TRAF3IP1: variants seen among roughly 807,000 people sequenced by gnomAD.
TRAF3IP1 encodes intraflagellar transport 54.
Under a neutral mutation model 89.9 loss-of-function variants are expected in TRAF3IP1, and 53 were observed. The observed-to-expected ratio is 0.59, with a 90% CI of 0.47 to 0.74. The LOEUF (loss-of-function observed/expected upper bound fraction) is 0.74, where lower values mean the gene tolerates loss of function less well. Among genes scored for constraint, TRAF3IP1 ranks in the 30% least tolerant of loss-of-function variants. The pLI, the probability that TRAF3IP1 is intolerant of heterozygous loss-of-function variation, is 0.00. For synonymous variants in TRAF3IP1, 311 were observed against 322.1 expected (o/e 0.97, Z 0.37); for missense variants, 806 against 866.1 (o/e 0.93, Z 0.87).
chr2:238,331,335 G>T (rs999656611), intron 5 of TRAF3IP1, among the ~76,000 whole-genome samples: 7 of 151,908 alleles, frequency 4.6e-5, no homozygotes, highest in Admixed American at 2.0e-4. Flanking sequence ...AAATTAGCTG[G>T]GTGTGGTGGC....
In TRAF3IP1 at chr2:238,371,495, A is replaced by G. The variant is rs530047590; in HGVS notation, c.1689+15415A>G. 2.0e-5 allele frequency among the ~76,000 whole-genome samples: 3 copies of G among 152,344 alleles called. No individual in the cohort carries two copies. The East Asian group carries it at 5.8e-4, about 29-fold the overall frequency. ...ATTCTTACTATTTAGCTAGATTGTC[A>G]TTTCATACATAAAAACAGTGGAAGA... On this transcript the variant is annotated intron_variant, in intron 15 of 16. Transcript: ENST00000373327.
Position 238,375,106 on chromosome 2 carries a change from GGTCTTTTTGT to G in TRAF3IP1, c.1689+19031_1689+19040del, listed in dbSNP as rs1700262450. Among the ~76,000 whole-genome samples the G allele has an allele frequency of 2.6e-5, 4 of 152,160 alleles. No individual in the cohort carries two copies. In the South Asian group the frequency reaches 6.2e-4, roughly 24 times the overall value. On this transcript the variant is annotated intron_variant, in intron 15 of 16. Coordinates refer to ENST00000373327, the MANE Select transcript of TRAF3IP1 (RefSeq NM_015650.4). Reference sequence around the variant, plus strand: ...CTCCTGGATTCATTGATTTTCTGAAGGTCTTTTTGTGTCTCTATCTCCTTCAGTTCTGCCC... The same window carrying G: ...CTCCTGGATTCATTGATTTTCTGAAGGTCTCTATCTCCTTCAGTTCTGCCC...
rs142814087 is a variant in TRAF3IP1 at position 238,362,559 on chromosome 2, A to G, written c.1689+6479A>G. On this transcript the variant is annotated intron_variant, in intron 15 of 16. Transcript: ENST00000373327. The stretch of plus-strand genomic sequence containing the variant: ...CTTCAGCTTCCAGCCAGCAAGAGGG[A>G]GAAAAGGGAGGAAGGAGAAGGCCTG... 5.9e-3 allele frequency among the ~76,000 whole-genome samples: 901 copies of G among 152,148 alleles called. 5 individuals carry two copies. Among genetic ancestry groups the G allele is most frequent in the South Asian group, 0.016 (79 of 4,816 alleles).
intron 15 of TRAF3IP1, among the ~76,000 whole-genome samples, chr2:238,388,720 T>C: frequency 6.6e-6 from 1 of 151,440 alleles, no homozygotes; most frequent in East Asian, 2.0e-4. Context: ...TGGCTCACTG[T>C]AACCTCTGCA....
In TRAF3IP1 at chr2:238,350,631, G is replaced by GTTAGGGGTTA. The variant is rs1699107817; in HGVS notation, c.1451+1223_1451+1224insTTAGGGGTTA. ...CTGATGAAGGGGAGGGGTTAGGGCA[G>GTTAGGGGTTA]GGCAGTTGCTGAACCTCCTACAATG... On this transcript the variant is annotated intron_variant, in intron 12 of 16. Coordinates refer to ENST00000373327, the MANE Select transcript of TRAF3IP1 (RefSeq NM_015650.4). Among the ~76,000 whole-genome samples the GTTAGGGGTTA allele has an allele frequency of 5.9e-5, 9 of 152,136 alleles. No individual in the cohort carries two copies. In the South Asian group the frequency reaches 1.9e-3, roughly 32 times the overall value.
chr2:238,353,867 G>A (rs144230439), intron 14 of TRAF3IP1, among the ~76,000 whole-genome samples: 102 of 152,232 alleles, frequency 6.7e-4, no homozygotes, highest in African/African-American at 2.3e-3. Flanking sequence ...TCTGCCTCCC[G>A]GGTTGAAGTG....
At position 238,353,189 on chromosome 2, in the gene TRAF3IP1, TAGA is replaced by T. The variant is rs1203868126; in HGVS notation, c.1599_1601del (p.Glu535del). On this transcript the variant is annotated inframe_deletion, in exon 14 of 17. Transcript: ENST00000373327. ...CCTGCTCAGGTAACAGCAGTGGAAC[TAGA>T]AGAAGAGGAGAAGCATGGTGAGTCC... 3 of 1,614,070 alleles carry T rather than the reference TAGA, an allele frequency of 1.9e-6. No individual in the cohort carries two copies. Among genetic ancestry groups the T allele is most frequent in the Non-Finnish European group, 2.5e-6 (3 of 1,180,032 alleles).
In TRAF3IP1 at chr2:238,398,925, C is replaced by T. The variant is rs1701361610; in HGVS notation, c.*6C>T. 2 of 1,587,850 alleles carry T rather than the reference C, an allele frequency of 1.3e-6. No homozygotes were observed. The highest frequency in any genetic ancestry group is 1.9e-5 in the Admixed American group (1 of 52,270). ...ATTTGACTTCGAGAAGGTGAACACT[C>T]AAAAGTTTCAGAGATGAAAAGTCAC... On this transcript the variant is annotated 3_prime_UTR_variant, in exon 17 of 17. Coordinates refer to ENST00000373327, the MANE Select transcript of TRAF3IP1 (RefSeq NM_015650.4).
chr2:238,323,214 G>T (rs986323981), intron 1 of TRAF3IP1, among the ~76,000 whole-genome samples: 14 of 152,150 alleles, frequency 9.2e-5, no homozygotes, highest in African/African-American at 3.4e-4. Context: ...GAGTAGCTGG[G>T]ACTGCAGGCA....
Position 238,329,280 on chromosome 2 carries a change from G to A in TRAF3IP1, c.853G>A (p.Gly285Arg), listed in dbSNP as rs146786940. ...KDRDRRRVKN[G>R]EHSWDLDREK... ...CAGGGACAGACGGAGAGTGAAAAAC[G>A]GGGAGCACTCCTGGGACCTGGACAG... Residue 285 changes from glycine (G) to arginine (R), a missense_variant, in exon 5 of 17, where the codon GGG becomes AGG. Transcript: ENST00000373327. The A allele has an allele frequency of 3.6e-5, 53 of 1,486,750 alleles. No homozygotes were observed. The highest frequency in any genetic ancestry group is 3.3e-5 in the Non-Finnish European group (37 of 1,118,988). The allele number at this position is 1,486,750 out of a possible 1,614,324, so 92.1% of individuals were successfully genotyped here.
chr2:238,393,110 T>C (rs1043732529), intron 15 of TRAF3IP1, among the ~76,000 whole-genome samples: 13 of 152,252 alleles, frequency 8.5e-5, no homozygotes, highest in African/African-American at 2.9e-4. Flanking sequence ...TTTAGTTTTA[T>C]AGGAAACTGC....
intron 8 of TRAF3IP1, among the ~76,000 whole-genome samples, chr2:238,340,067 T>C (rs965876542): frequency 7.1e-6 from 1 of 140,156 alleles, no homozygotes; most frequent in Non-Finnish European, 1.6e-5. Context: ...GGCGGGGGGG[T>C]TGGGAACAGT....
chr2:238,387,126 C>A (rs748244150), intron 15 of TRAF3IP1, among the ~76,000 whole-genome samples: 1 of 152,190 alleles, frequency 6.6e-6, no homozygotes, highest in Non-Finnish European at 1.5e-5. Context: ...ACAAAAGTTA[C>A]CTAGTCCAAG....
At chr2:238,384,941 T>C (rs1471133165) in intron 15 of TRAF3IP1, among the ~76,000 whole-genome samples, 2 of 152,232 alleles carry the variant, frequency 1.3e-5, no homozygotes, top group Non-Finnish European at 2.9e-5. Flanking sequence ...TCCTTCTTCA[T>C]GTAGCCATGG....
intron 3 of TRAF3IP1, 58 bp from the exon 4 acceptor site, chr2:238,328,628 T>C (rs1363561893): frequency 2.6e-6 from 4 of 1,567,338 alleles, no homozygotes; most frequent in African/African-American, 1.4e-5. Flanking sequence ...GTTCTATTTG[T>C]TACGTGTGCG....
At chr2:238,346,703 C>T (rs539656950) in intron 9 of TRAF3IP1, among the ~76,000 whole-genome samples, 8 of 152,316 alleles carry the variant, frequency 5.3e-5, no homozygotes, top group East Asian at 3.9e-4. Flanking sequence ...TTAAACGAGG[C>T]GCTGCATCAG....
intron 10 of TRAF3IP1, among the ~76,000 whole-genome samples, chr2:238,348,337 G>T (rs932473518): frequency 1.3e-5 from 2 of 152,046 alleles, no homozygotes. Context: ...GTACTGGATT[G>T]TTTCACACAA....
chr2:238,381,421 C>A (rs1052287303), intron 15 of TRAF3IP1, among the ~76,000 whole-genome samples: 1 of 152,136 alleles, frequency 6.6e-6, no homozygotes, highest in Non-Finnish European at 1.5e-5. Flanking sequence ...GTGGGGTGCT[C>A]TTTGATTCTT....
At chr2:238,323,333 C>G (rs941047549) in intron 1 of TRAF3IP1, among the ~76,000 whole-genome samples, 4 of 152,178 alleles carry the variant, frequency 2.6e-5, no homozygotes, top group Admixed American at 2.6e-4. Context: ...CCTGCCTCGG[C>G]CTCCCAAAGT....
Sources: gnomAD v4.1 joint callset for allele counts (sites outside exome capture counted in the v4.1 genomes callset) on GRCh38, gnomAD v4.1.1 for gene constraint, MANE v1.5 for transcripts, NCBI Gene and HGNC (gene_info 2026-07-23, HGNC 2026-07-21) for gene names.